Variants in GRM4 observed in about 807,000 individuals in gnomAD.
The protein encoded by GRM4 is glutamate metabotropic receptor 4, also known as metabotropic glutamate receptor 4.
Under a neutral mutation model 81.7 loss-of-function variants are expected in GRM4, and 28 were observed. The observed-to-expected ratio is 0.34, with a 90% confidence interval of 0.25 to 0.47. The LOEUF (loss-of-function observed/expected upper bound fraction) is 0.47. GRM4 is among the 20% of genes least tolerant of loss of function. The pLI is 1.00. For missense variants in GRM4, 948 were observed against 1,290.0 expected (o/e 0.73, Z 4.06); for synonymous variants, 488 against 528.8 (o/e 0.92, Z 1.06).
rs41267667 is a variant in GRM4, at chr6:34,133,191, G to A, written c.306C>T (p.Gly102=). Residue 102 remains glycine, a synonymous_variant, in exon 2 of 11, where the codon GGC becomes GGT. Transcript: ENST00000538487. This position sits in a 1 kb window ranked among gnomAD's most constrained non-coding sequence, Gnocchi z 6.5. ...TGGAGCAGGTGTCCAGAATGCGGGC[G>A]CCCAGCGTGATGTTAGGCAGCAGGT... ...DPDLLPNITL[G]ARILDTCSRD... is the part of the protein sequence containing the mutation. 50,894 of 1,613,792 alleles carry A rather than the reference G, an allele frequency of 0.032. 929 individuals carry two copies. The highest frequency in any genetic ancestry group is 0.042 in the Middle Eastern group (252 of 6,062).
intron 6 of GRM4, among the ~76,000 whole-genome samples, chr6:34,043,779 G>C (rs960513566): frequency 6.6e-6 from 1 of 152,120 alleles, no homozygotes; most frequent in Non-Finnish European, 1.5e-5. Flanking sequence ...TGGATATCCC[G>C]CAGGAGCCCC....
chr6:34,044,141 T>C (rs1342375977), intron 6 of GRM4, among the ~76,000 whole-genome samples: 8 of 135,944 alleles, frequency 5.9e-5, no homozygotes, highest in African/African-American at 8.9e-5. Context: ...CACATATACA[T>C]ACATACACAT....
At chr6:34,066,834 G>A (rs1766490640) in intron 3 of GRM4, among the ~76,000 whole-genome samples, 1 of 152,080 alleles carries the variant, frequency 6.6e-6, no homozygotes, top group Non-Finnish European at 1.5e-5. Context: ...TTTTAGATAT[G>A]GGTGACAGCA....
At chr6:34,117,038 A>G (rs1769628058) in intron 2 of GRM4, among the ~76,000 whole-genome samples, 1 of 152,248 alleles carries the variant, frequency 6.6e-6, no homozygotes, top group Admixed American at 6.5e-5. Context: ...GAGGGGCTCA[A>G]GGGAGCTTTC....
Position 34,074,621 on chromosome 6 carries a change from GC to G in GRM4, c.737-12594del, listed in dbSNP as rs1224047996. 1.3e-5 allele frequency among the ~76,000 whole-genome samples: 2 copies of G among 152,182 alleles called. No individual in the cohort carries two copies. Among genetic ancestry groups the G allele is most frequent in the Non-Finnish European group, 2.9e-5 (2 of 68,036 alleles). On this transcript the variant is annotated intron_variant, in intron 3 of 10. Coordinates refer to ENST00000538487, the MANE Select transcript of GRM4 (RefSeq NM_000841.4). This position sits in a 1 kb window ranked among gnomAD's most constrained non-coding sequence, Gnocchi z 4.9. ...CCCTGCCAGGAGAGGAGGCCGCTGGGCAGCGCAAGCAGTGTGGCTCACAGCT... is the reference window on the plus strand; with the variant it reads ...CCCTGCCAGGAGAGGAGGCCGCTGGGAGCGCAAGCAGTGTGGCTCACAGCT...
At chr6:34,119,736 C>G (rs915035230) in intron 2 of GRM4, among the ~76,000 whole-genome samples, 5 of 152,228 alleles carry the variant, frequency 3.3e-5, no homozygotes, top group African/African-American at 4.8e-5. Context: ...GAAGCAGGGG[C>G]ACTACGCAGC....
At chr6:34,077,977 C>T (rs1258722644) in intron 3 of GRM4, among the ~76,000 whole-genome samples, 1 of 152,158 alleles carries the variant, frequency 6.6e-6, no homozygotes, top group Non-Finnish European at 1.5e-5. Context: ...TGGATCCACA[C>T]ACTGCCAGGC....
chr6:34,049,877 C>A (rs1409433843), intron 6 of GRM4, among the ~76,000 whole-genome samples: 1 of 152,150 alleles, frequency 6.6e-6, no homozygotes, highest in African/African-American at 2.4e-5. Flanking sequence ...ACAGCACCAG[C>A]CTCCTAACTG....
At chr6:34,077,019 C>G (rs1450117009) in intron 3 of GRM4, among the ~76,000 whole-genome samples, 2 of 151,890 alleles carry the variant, frequency 1.3e-5, no homozygotes, top group African/African-American at 4.8e-5. Flanking sequence ...TATGCTGGAG[C>G]TGGAGCTGGG....
At chr6:34,085,858 A>G (rs541200354) in intron 3 of GRM4, among the ~76,000 whole-genome samples, 1 of 152,298 alleles carries the variant, frequency 6.6e-6, no homozygotes, top group South Asian at 2.1e-4. Flanking sequence ...GGCTGGTCAG[A>G]GGCCTCTCTG....
chr6:34,144,968 C>T (rs753472581), intron 1 of GRM4, among the ~76,000 whole-genome samples: 4 of 152,060 alleles, frequency 2.6e-5, no homozygotes, highest in Non-Finnish European at 5.9e-5. Context: ...CGGAGCACTC[C>T]AAGCGCGGGA....
intron 2 of GRM4, among the ~76,000 whole-genome samples, chr6:34,109,844 T>G (rs905884084): frequency 9.2e-5 from 14 of 152,032 alleles, no homozygotes; most frequent in Non-Finnish European, 1.8e-4. Flanking sequence ...TGTCATGTGG[T>G]TCCAAGTTCT....
intron 6 of GRM4, among the ~76,000 whole-genome samples, chr6:34,049,177 C>A (rs1449186982): frequency 1.3e-5 from 2 of 152,078 alleles, no homozygotes; most frequent in African/African-American, 4.8e-5. Flanking sequence ...CAACTCCAGT[C>A]TGGCTTTTGC....
At chr6:34,027,182 A>C (rs1581580892) in intron 10 of GRM4, among the ~76,000 whole-genome samples, 1 of 152,284 alleles carries the variant, frequency 6.6e-6, no homozygotes, top group East Asian at 1.9e-4. Flanking sequence ...CAGAGGTCGC[A>C]GGGCAGGAAA....
intron 6 of GRM4, among the ~76,000 whole-genome samples, chr6:34,054,024 G>A (rs1166251889): frequency 6.6e-6 from 1 of 152,214 alleles, no homozygotes. Flanking sequence ...AGATCAGGAA[G>A]TGCCTCCATT....
chr6:34,134,128 C>G (rs954564004), intron 1 of GRM4, among the ~76,000 whole-genome samples: 8 of 152,216 alleles, frequency 5.3e-5, no homozygotes, highest in Admixed American at 3.3e-4. Flanking sequence ...AGCACAATCC[C>G]CAGGAACAGC....
At chr6:34,104,842 C>T (rs1333521149) in intron 2 of GRM4, among the ~76,000 whole-genome samples, 1 of 152,152 alleles carries the variant, frequency 6.6e-6, no homozygotes, top group Non-Finnish European at 1.5e-5. Flanking sequence ...ACAGGGAGGC[C>T]TCCACAAGGT....
chr6:34,072,246 C>T (rs1045311997), intron 3 of GRM4, among the ~76,000 whole-genome samples: 4 of 55,864 alleles, frequency 7.2e-5, no homozygotes, highest in Middle Eastern at 8.9e-3. Flanking sequence ...ACACATCACA[C>T]AGATACACAG....
Position 34,070,109 on chromosome 6 carries a change from T to G in GRM4, c.737-8081A>C, listed in dbSNP as rs1214167271. ...CGTGAGGGCAGAGGCTCTGTAGGAG[T>G]TGGAGGTGAACACTCGCACCTGCTC... On this transcript the variant is annotated intron_variant, in intron 3 of 10. Transcript: ENST00000538487. The surrounding 1 kb of genome is among the most constrained non-coding windows in gnomAD (Gnocchi z 4.6). 6.6e-6 allele frequency among the ~76,000 whole-genome samples: 1 copy of G among 151,342 alleles called. No homozygotes were observed. Among genetic ancestry groups the G allele is most frequent in the African/African-American group, 2.4e-5 (1 of 41,146 alleles).
Sources: gnomAD v4.1 joint callset for allele counts (sites outside exome capture counted in the v4.1 genomes callset) on GRCh38, gnomAD v4.1.1 for gene constraint, Gnocchi (gnomAD v3.1) non-coding constraint, MANE v1.5 for transcripts, NCBI Gene and HGNC (gene_info 2026-07-23, HGNC 2026-07-21) for gene names.